TACC2: variants seen among roughly 807,000 people sequenced by gnomAD.
The protein encoded by TACC2 is transforming acidic coiled-coil-containing protein 2.
A neutral mutation model predicts 227.3 loss-of-function variants in TACC2; 137 were observed. That is an observed-to-expected ratio of 0.60 (90% CI 0.52 to 0.69). TACC2 has a LOEUF of 0.69. TACC2 is among the 30% of genes least tolerant of loss of function. The pLI is 0.00. For missense variants in TACC2, 3,470 were observed against 3,694.4 expected, an observed-to-expected ratio of 0.94 and a Z score of 1.57; for synonymous variants, 1,523 against 1,487.5, an observed-to-expected ratio of 1.02 and a Z score of -0.55.
intron 7 of TACC2, among the ~76,000 whole-genome samples, chr10:122,193,037 C>T (rs1022228295): frequency 5.3e-5 from 8 of 152,232 alleles, no homozygotes; most frequent in African/African-American, 1.7e-4. Flanking sequence ...CTTTCCTTCT[C>T]CCCATAGACA....
intron 1 of TACC2, among the ~76,000 whole-genome samples, chr10:122,008,040 G>A (rs1305204098): frequency 6.6e-6 from 1 of 151,972 alleles, no homozygotes; most frequent in African/African-American, 2.4e-5. Context: ...CCTTAACCTT[G>A]GATTTCCCAG....
chr10:122,210,761 A>G lies in TACC2; in HGVS notation c.6336A>G (p.Ala2112=), dbSNP rs752353928. Reference sequence around the variant, plus strand: ...AGGCCGTGGCCCTTGCCCCAGATGCATATAGCACGGGTTCCAGCAGTGCTT... The same window carrying G: ...AGGCCGTGGCCCTTGCCCCAGATGCGTATAGCACGGGTTCCAGCAGTGCTT... ...NPEAVALAPD[A]YSTGSSSASS... Residue 2112 remains alanine, a synonymous_variant, in exon 9 of 23, where the codon GCA becomes GCG. Transcript: ENST00000369005. The surrounding 1 kb of genome is among the most constrained non-coding windows in gnomAD (Gnocchi z 4.6). 1.2e-5 allele frequency: 19 copies of G among 1,613,844 alleles called. No homozygotes were observed. Among genetic ancestry groups the G allele is most frequent in the East Asian group, 2.2e-5 (1 of 44,880 alleles).
chr10:122,145,013 A>C (rs1423732169), intron 7 of TACC2, among the ~76,000 whole-genome samples: 1 of 152,260 alleles, frequency 6.6e-6, no homozygotes, highest in Admixed American at 6.5e-5. Flanking sequence ...GAACATCCCC[A>C]GCTGTTTGGG....
At chr10:122,201,900 T>C (rs995864650) in intron 8 of TACC2, among the ~76,000 whole-genome samples, 1 of 152,152 alleles carries the variant, frequency 6.6e-6, no homozygotes, top group Non-Finnish European at 1.5e-5. Flanking sequence ...ACCAAGCCGA[T>C]TAGTGGCAAA....
At chr10:122,192,252 C>T (rs560154081) in intron 7 of TACC2, among the ~76,000 whole-genome samples, 1 of 152,302 alleles carries the variant, frequency 6.6e-6, no homozygotes, top group African/African-American at 2.4e-5. Flanking sequence ...CCTGGCCCAC[C>T]CCATGCTCTG....
rs190717100 is a variant in TACC2, at chr10:122,180,500, G to C, written c.5835-14540G>C. Among the ~76,000 whole-genome samples the C allele has an allele frequency of 6.1e-3, 930 of 152,048 alleles. 11 individuals carry two copies. The highest frequency in any genetic ancestry group is 0.021 in the African/African-American group (877 of 41,506). ...CTACAGGCGCCCGCCACCACACCCGGCTAATTTTTTTGTGTTTTTGGTAGA... is the reference window on the plus strand; with the variant it reads ...CTACAGGCGCCCGCCACCACACCCGCCTAATTTTTTTGTGTTTTTGGTAGA... On this transcript the variant is annotated intron_variant, in intron 7 of 22. Transcript: ENST00000369005. This position sits in a 1 kb window ranked among gnomAD's most constrained non-coding sequence, Gnocchi z 4.5.
intron 7 of TACC2, among the ~76,000 whole-genome samples, chr10:122,147,151 CT>C (rs1304100049): frequency 0.038 from 5,569 of 147,420 alleles, 270 homozygotes; most frequent in African/African-American, 0.12. Context: ...TGTAAAGTTA[CT>C]TTTTTTTTTT....
chr10:122,172,677 T>G (rs1276072069), intron 7 of TACC2, among the ~76,000 whole-genome samples: 1 of 152,204 alleles, frequency 6.6e-6, no homozygotes, highest in East Asian at 1.9e-4. Context: ...CAGAAGAGGA[T>G]CCTGTGACTG....
intron 7 of TACC2, among the ~76,000 whole-genome samples, chr10:122,162,651 A>G (rs977105316): frequency 6.6e-6 from 1 of 152,182 alleles, no homozygotes; most frequent in Non-Finnish European, 1.5e-5. Flanking sequence ...CAGGATCTCA[A>G]GTCTTGAGGG....
At chr10:122,099,698 C>A (rs2081925635) in intron 5 of TACC2, among the ~76,000 whole-genome samples, 1 of 152,030 alleles carries the variant, frequency 6.6e-6, no homozygotes, top group Non-Finnish European at 1.5e-5. Flanking sequence ...GCCAGGGCCA[C>A]AAAGCACAGA....
intron 7 of TACC2, among the ~76,000 whole-genome samples, chr10:122,151,483 G>A (rs895142725): frequency 1.3e-5 from 2 of 152,214 alleles, no homozygotes; most frequent in South Asian, 2.1e-4. Context: ...AGGGAGGTAC[G>A]GCGGTCTCAG....
At chr10:122,161,635 C>G (rs1472353306) in intron 7 of TACC2, among the ~76,000 whole-genome samples, 2 of 152,246 alleles carry the variant, frequency 1.3e-5, no homozygotes, top group Non-Finnish European at 2.9e-5. Flanking sequence ...GAACCTTTAC[C>G]TATTAAGGCT....
chr10:122,048,151 C>T (rs1378234300), intron 2 of TACC2, among the ~76,000 whole-genome samples: 7 of 152,150 alleles, frequency 4.6e-5, no homozygotes, highest in Non-Finnish European at 7.3e-5. Flanking sequence ...CCTGCAGAAA[C>T]GTCAAGATTA....
intron 3 of TACC2, among the ~76,000 whole-genome samples, chr10:122,058,469 C>A (rs927657508): frequency 6.6e-6 from 1 of 152,154 alleles, no homozygotes; most frequent in Non-Finnish European, 1.5e-5. Context: ...AGTGCAGTGG[C>A]GCGATCTTGG....
intron 5 of TACC2, among the ~76,000 whole-genome samples, chr10:122,105,101 G>A (rs910379013): frequency 2.6e-5 from 4 of 152,300 alleles, no homozygotes; most frequent in South Asian, 2.1e-4. Flanking sequence ...CTAACAGGAC[G>A]CTCCGTGATT....
At chr10:122,192,151 C>A (rs1329301970) in intron 7 of TACC2, among the ~76,000 whole-genome samples, 1 of 152,186 alleles carries the variant, frequency 6.6e-6, no homozygotes, top group African/African-American at 2.4e-5. Context: ...GAAGTGAATG[C>A]CATTCTCGTG....
At chr10:122,163,519 T>A (rs2092952767) in intron 7 of TACC2, 1 of 966,692 alleles carries the variant, frequency 1.0e-6, no homozygotes, top group African/African-American at 1.8e-5. Context: ...GCGATGGAGC[T>A]TTGTGAAGAT....
intron 5 of TACC2, among the ~76,000 whole-genome samples, chr10:122,115,448 A>G (rs1465064965): frequency 6.6e-6 from 1 of 152,026 alleles, no homozygotes; most frequent in Non-Finnish European, 1.5e-5. Context: ...TGCTATTAGG[A>G]GGATATTTTT....
rs1957397548 is a variant in TACC2, at chr10:122,022,031, T to G, written c.33+17T>G. 4.3e-6 allele frequency: 7 copies of G among 1,614,032 alleles called. No individual in the cohort carries two copies. The highest frequency in any genetic ancestry group is 5.9e-6 in the Non-Finnish European group (7 of 1,179,934). ...GACAACCAGGTGGGTGTCAGGAAGC[T>G]TCTCTCTCGAGCTACGTGGTGCTCT... On this transcript the variant is annotated intron_variant, in intron 2 of 22. Transcript: ENST00000369005.
Sources: allele counts gnomAD v4.1 joint callset (sites outside exome capture counted in the v4.1 genomes callset), GRCh38; gene constraint gnomAD v4.1.1; non-coding constraint Gnocchi (gnomAD v3.1); transcripts MANE v1.5; gene names NCBI Gene and HGNC (gene_info 2026-07-23, HGNC 2026-07-21).